MTA3: variants seen among roughly 807,000 people sequenced by gnomAD.
MTA3 encodes the protein metastasis-associated protein MTA3.
MTA3 carries 34 observed loss-of-function variants against 83.5 expected under a neutral mutation model. The observed-to-expected ratio is 0.41, with a 90% confidence interval of 0.31 to 0.54. The LOEUF (loss-of-function observed/expected upper bound fraction) is 0.54. MTA3 is among the 20% of genes least tolerant of loss of function. The probability of loss-of-function intolerance (pLI) is 0.33; values close to 1 mark genes in which losing one functional copy is unlikely to be tolerated. For missense variants in MTA3, 761 were observed against 726.4 expected, an observed-to-expected ratio of 1.05 and a Z score of -0.55; for synonymous variants, 303 against 252.7, an observed-to-expected ratio of 1.20 and a Z score of -1.89.
intron 2 of MTA3, among the ~76,000 whole-genome samples, chr2:42,500,811 C>CTTTTTTT (rs1177557640): frequency 1.1e-4 from 14 of 133,174 alleles, no homozygotes; most frequent in African/African-American, 3.6e-4. Context: ...CTTTATGAAG[C>CTTTTTTT]TTTTTTTTTT....
At chr2:42,604,394 A>G (rs1682972526) in intron 3 of MTA3, among the ~76,000 whole-genome samples, 1 of 152,198 alleles carries the variant, frequency 6.6e-6, no homozygotes, top group Admixed American at 6.5e-5. Context: ...TTAAATCTTG[A>G]AAGAAGAATT....
At chr2:42,510,117 G>C (rs1442631908) in intron 2 of MTA3, among the ~76,000 whole-genome samples, 1 of 152,048 alleles carries the variant, frequency 6.6e-6, no homozygotes, top group African/African-American at 2.4e-5. Context: ...CTTGAGGTCA[G>C]GAGTTCAAGA....
intron 6 of MTA3, among the ~76,000 whole-genome samples, chr2:42,655,637 C>T (rs1689097997): frequency 6.6e-6 from 1 of 152,216 alleles, no homozygotes. Context: ...AAGTCTTACT[C>T]TGTCGCCCAG....
intron 3 of MTA3, among the ~76,000 whole-genome samples, chr2:42,605,654 C>T (rs1169831143): frequency 9.5e-6 from 1 of 105,388 alleles, no homozygotes. Context: ...GGCGGCTGGC[C>T]GGGCGGGGGG....
intron 9 of MTA3, among the ~76,000 whole-genome samples, chr2:42,690,809 G>A (rs1163274900): frequency 1.3e-5 from 2 of 149,818 alleles, no homozygotes; most frequent in Non-Finnish European, 3.0e-5. Flanking sequence ...CGAGTAGCTG[G>A]GACTACAGGC....
intron 2 of MTA3, among the ~76,000 whole-genome samples, chr2:42,551,761 A>G (rs1389224527): frequency 1.3e-5 from 2 of 149,738 alleles, no homozygotes; most frequent in African/African-American, 2.5e-5. Flanking sequence ...TCTTTTTGAG[A>G]TGGAGTTTCG....
intron 2 of MTA3, chr2:42,511,647 C>G (rs1674901097): frequency 6.6e-6 from 1 of 152,284 alleles, no homozygotes; most frequent in South Asian, 2.1e-4. Context: ...ACCCAGGAGG[C>G]AGAGGTTGCA....
In MTA3 at chr2:42,521,811, A is replaced by G. The variant is rs562260011; in HGVS notation, c.-141+26557A>G. 3.6e-5 allele frequency among the ~76,000 whole-genome samples: 5 copies of G among 139,688 alleles called. No homozygotes were observed. In the South Asian group the frequency reaches 1.1e-3, roughly 32 times the overall value. The allele number at this position is 139,688 out of a possible 152,430, so 91.6% of individuals were successfully genotyped here. A position where few individuals can be genotyped will look rare whatever the true frequency, so the allele number is the denominator to read the frequency against. ...ACTCTGTTGCCCAGGCTGGAGTGCAATGGCACAGTCTTAGCTCACTGCAGC... is the reference window on the plus strand; with the variant it reads ...ACTCTGTTGCCCAGGCTGGAGTGCAGTGGCACAGTCTTAGCTCACTGCAGC... On this transcript the variant is annotated intron_variant, in intron 2 of 17. Coordinates refer to the MTA3 transcript ENST00000405592.
At chr2:42,578,836 A>T (rs143053858) in intron 2 of MTA3, among the ~76,000 whole-genome samples, 7 of 152,306 alleles carry the variant, frequency 4.6e-5, no homozygotes, top group African/African-American at 1.4e-4. Flanking sequence ...AGTGTTAACT[A>T]TGTCTGGCTT....
intron 3 of MTA3, among the ~76,000 whole-genome samples, chr2:42,606,335 C>T (rs866708648): frequency 7.2e-4 from 94 of 130,638 alleles, no homozygotes; most frequent in Middle Eastern, 5.4e-3. Context: ...GGCTCCTCAC[C>T]TCTCAGACGG....
At chr2:42,707,709 T>G (rs1164800298) in intron 12 of MTA3, among the ~76,000 whole-genome samples, 194 bp from the exon 13 acceptor site, 1 of 152,126 alleles carries the variant, frequency 6.6e-6, no homozygotes, top group Non-Finnish European at 1.5e-5. Context: ...CTTTATATAA[T>G]AATGGAAATA....
chr2:42,568,674 C>T lies in MTA3; in HGVS notation c.-72C>T. ...ACGGCGGCGGCGGCAGCGGCGGTCG[C>T]GGCTGAGGCTGAGGAGGAGGCGGCG... On this transcript the variant is annotated 5_prime_UTR_variant, in exon 1 of 17. Transcript: ENST00000405094. 3.5e-6 allele frequency: 4 copies of T among 1,142,186 alleles called. No homozygotes were observed. Among genetic ancestry groups the T allele is most frequent in the Middle Eastern group, 3.5e-4 (1 of 2,870 alleles). The allele number at this position is 1,142,186 out of a possible 1,614,324, so 70.8% of individuals were successfully genotyped here.
chr2:42,671,073 A>T (rs755250088), intron 8 of MTA3, among the ~76,000 whole-genome samples: 18 of 151,878 alleles, frequency 1.2e-4, no homozygotes, highest in Non-Finnish European at 1.9e-4. Flanking sequence ...TTCCTGAACG[A>T]TTCGTTAGTC....
At chr2:42,503,822 C>T (rs1674503855) in intron 2 of MTA3, among the ~76,000 whole-genome samples, 1 of 150,902 alleles carries the variant, frequency 6.6e-6, no homozygotes, top group Non-Finnish European at 1.5e-5. Flanking sequence ...CCAGCCTGGA[C>T]AACATAGCAA....
chr2:42,711,246 T>C (rs1561507), intron 14 of MTA3, among the ~76,000 whole-genome samples: 105,773 of 151,932 alleles, frequency 0.7, 38,511 homozygotes, highest in African/African-American at 0.92. Flanking sequence ...CCCCAGGGCT[T>C]GTGTGTTAAT....
At chr2:42,683,346 A>G (rs1457517227) in intron 9 of MTA3, among the ~76,000 whole-genome samples, 3 of 152,156 alleles carry the variant, frequency 2.0e-5, no homozygotes, top group African/African-American at 4.8e-5. Context: ...TAAGCACAGT[A>G]GGAGAATTTG....
intron 2 of MTA3, among the ~76,000 whole-genome samples, chr2:42,495,776 C>T (rs190649412): frequency 6.6e-6 from 1 of 152,232 alleles, no homozygotes; most frequent in Non-Finnish European, 1.5e-5. Flanking sequence ...CAGGAAGATG[C>T]CTTTGCACTT....
At chr2:42,720,970 A>AAG (rs1553395569) in intron 15 of MTA3, among the ~76,000 whole-genome samples, 2 of 149,840 alleles carry the variant, frequency 1.3e-5, no homozygotes, top group African/African-American at 5.0e-5. Flanking sequence ...AAAAAAAAAA[A>AAG]AAAAGAAAAG....
chr2:42,589,841 T>C (rs1262106814), intron 3 of MTA3, among the ~76,000 whole-genome samples: 1 of 152,170 alleles, frequency 6.6e-6, no homozygotes, highest in Non-Finnish European at 1.5e-5. Context: ...GAGACCTGTA[T>C]TGTATTTCTC....
Sources: gnomAD v4.1 joint callset for allele counts (sites outside exome capture counted in the v4.1 genomes callset) on GRCh38, gnomAD v4.1.1 for gene constraint, MANE v1.5 for transcripts, NCBI Gene and HGNC (gene_info 2026-07-23, HGNC 2026-07-21) for gene names.